SLC24A3: variants seen among roughly 807,000 people sequenced by gnomAD.
SLC24A3 encodes the protein solute carrier family 24 member 3, also known as sodium/potassium/calcium exchanger 3.
A neutral mutation model predicts 75.8 loss-of-function variants in SLC24A3; 28 were observed. The ratio of observed to expected loss-of-function variants is 0.37; its 90% CI spans 0.27 to 0.51. The LOEUF (loss-of-function observed/expected upper bound fraction) is 0.51, where lower values mean the gene tolerates loss of function less well. SLC24A3 is among the 20% of genes least tolerant of loss of function. SLC24A3 has a pLI of 0.94. For missense variants in SLC24A3, 663 were observed against 847.8 expected (o/e 0.78, Z 2.71); for synonymous variants, 372 against 334.1 (o/e 1.11, Z -1.24).
intron 2 of SLC24A3, among the ~76,000 whole-genome samples, chr20:19,334,180 G>T (rs1034279191): frequency 6.6e-6 from 1 of 152,164 alleles, no homozygotes; most frequent in Admixed American, 6.5e-5. Context: ...CTAATGACTT[G>T]TTATTGGCCA....
chr20:19,292,243 A>G (rs980899358), intron 2 of SLC24A3, among the ~76,000 whole-genome samples: 1 of 152,118 alleles, frequency 6.6e-6, no homozygotes, highest in Non-Finnish European at 1.5e-5. Flanking sequence ...TTTTCCAAGC[A>G]CCCACTTTGC....
intron 1 of SLC24A3, chr20:19,242,333 A>G (rs1327653034): frequency 1.3e-5 from 2 of 152,176 alleles, no homozygotes; most frequent in Admixed American, 1.3e-4. Context: ...TTTATTCATT[A>G]AGTCAATGGG....
At chr20:19,607,942 T>A (rs1035928672) in intron 6 of SLC24A3, among the ~76,000 whole-genome samples, 3 of 152,238 alleles carry the variant, frequency 2.0e-5, no homozygotes, top group Non-Finnish European at 4.4e-5. Context: ...ACTGAACTGC[T>A]CGTTGTGTCT....
At chr20:19,570,377 C>A (rs2031033420) in intron 3 of SLC24A3, among the ~76,000 whole-genome samples, 1 of 152,152 alleles carries the variant, frequency 6.6e-6, no homozygotes, top group African/African-American at 2.4e-5. Context: ...AGAGCCAAAC[C>A]ATATCACTGA....
chr20:19,301,200 C>A (rs887517610), intron 2 of SLC24A3, among the ~76,000 whole-genome samples: 2 of 152,164 alleles, frequency 1.3e-5, no homozygotes, highest in Non-Finnish European at 2.9e-5. Context: ...TCTGCTATTT[C>A]TTCATGGGCT....
At chr20:19,421,698 G>A (rs897637011) in intron 2 of SLC24A3, among the ~76,000 whole-genome samples, 1 of 152,092 alleles carries the variant, frequency 6.6e-6, no homozygotes, top group African/African-American at 2.4e-5. Context: ...GGATTTACTG[G>A]GCAAAAAGGA....
chr20:19,550,836 T>C (rs1235095682), intron 3 of SLC24A3, among the ~76,000 whole-genome samples: 2 of 151,998 alleles, frequency 1.3e-5, no homozygotes, highest in Admixed American at 6.6e-5. Flanking sequence ...AGGAACCATA[T>C]TGAAGAAATG....
intron 2 of SLC24A3, among the ~76,000 whole-genome samples, chr20:19,507,560 T>C (rs1012038861): frequency 2.9e-4 from 44 of 152,204 alleles, no homozygotes; most frequent in African/African-American, 9.9e-4. Context: ...CAAGAAATGC[T>C]GAGACAAGAA....
chr20:19,522,034 G>A (rs2030108494), intron 3 of SLC24A3, among the ~76,000 whole-genome samples: 1 of 152,190 alleles, frequency 6.6e-6, no homozygotes, highest in Non-Finnish European at 1.5e-5. Flanking sequence ...CTGTCCAGTA[G>A]TCTAAATCTG....
At chr20:19,577,171 C>T (rs1307318189) in intron 3 of SLC24A3, among the ~76,000 whole-genome samples, 1 of 152,008 alleles carries the variant, frequency 6.6e-6, no homozygotes, top group Non-Finnish European at 1.5e-5. Flanking sequence ...TCTCCTGCCT[C>T]AGCCTCCTGA....
intron 6 of SLC24A3, among the ~76,000 whole-genome samples, chr20:19,646,841 C>CTGTGTGTGTGTGTGTGTGTGTGTGTG (rs74180956): frequency 1.4e-5 from 2 of 144,686 alleles, no homozygotes; most frequent in African/African-American, 5.1e-5. Context: ...TTACAAAACT[C>CTGTGTGTGTGTGTGTGTGTGTGTGTG]TGTGTGTGTG....
chr20:19,707,295 G>A (rs141680242), intron 15 of SLC24A3, among the ~76,000 whole-genome samples: 152 of 152,268 alleles, frequency 1.0e-3, no homozygotes, highest in African/African-American at 3.6e-3. Flanking sequence ...GAGGAGGTGA[G>A]ACCAGCAGTT....
intron 2 of SLC24A3, among the ~76,000 whole-genome samples, chr20:19,388,547 T>C (rs536256699): frequency 6.6e-6 from 1 of 152,114 alleles, no homozygotes; most frequent in East Asian, 1.9e-4. Context: ...CCATCTCTAC[T>C]AGAAATACAA....
chr20:19,657,760 A>G (rs1600324876), intron 7 of SLC24A3, among the ~76,000 whole-genome samples: 1 of 150,724 alleles, frequency 6.6e-6, no homozygotes. Flanking sequence ...CCATGCCCCC[A>G]GCCAGAGGCT....
chr20:19,219,232 T>G (rs375594881), intron 1 of SLC24A3, among the ~76,000 whole-genome samples: 29 of 152,250 alleles, frequency 1.9e-4, no homozygotes, highest in African/African-American at 7.0e-4. Flanking sequence ...TTGCTGTTGC[T>G]AGTCCCGGAC....
At chr20:19,522,585 T>A (rs561018027) in intron 3 of SLC24A3, among the ~76,000 whole-genome samples, 3 of 152,286 alleles carry the variant, frequency 2.0e-5, no homozygotes, top group Admixed American at 2.0e-4. Flanking sequence ...CACCGTCTCT[T>A]CCCCCGCAAA....
chr20:19,357,068 C>A (rs551080074), intron 2 of SLC24A3, among the ~76,000 whole-genome samples: 18 of 152,208 alleles, frequency 1.2e-4, no homozygotes, highest in Non-Finnish European at 2.2e-4. Context: ...AAGAGATTAT[C>A]TTGGATTATC....
At chr20:19,552,255 G>C (rs531011977) in intron 3 of SLC24A3, among the ~76,000 whole-genome samples, 11 of 152,300 alleles carry the variant, frequency 7.2e-5, no homozygotes, top group Non-Finnish European at 1.0e-4. Flanking sequence ...AGAGGCAAAA[G>C]GGCTCTGAAC....
At chr20:19,268,716 T>A (rs991581662) in intron 1 of SLC24A3, among the ~76,000 whole-genome samples, 4 of 152,236 alleles carry the variant, frequency 2.6e-5, no homozygotes, top group African/African-American at 9.6e-5. Context: ...TTACTTTAAA[T>A]CCTGGTTGGG....
Sources: gnomAD v4.1 joint callset for allele counts (sites outside exome capture counted in the v4.1 genomes callset) on GRCh38, gnomAD v4.1.1 for gene constraint, MANE v1.5 for transcripts, NCBI Gene and HGNC (gene_info 2026-07-23, HGNC 2026-07-21) for gene names.